SETBP1: variants seen among roughly 807,000 people sequenced by gnomAD.
The protein encoded by SETBP1 is SET-binding protein.
In SETBP1, 9 loss-of-function variants were observed where a neutral mutation model predicts 101.0. The ratio of observed to expected loss-of-function variants is 0.09; its 90% CI spans 0.05 to 0.16. The LOEUF is 0.16. Among genes scored for constraint, SETBP1 ranks in the 10% least tolerant of loss-of-function variants. The pLI is 1.00. For synonymous variants in SETBP1, 818 were observed against 788.5 expected, an observed-to-expected ratio of 1.04 and a Z score of -0.63; for missense variants, 1,858 against 2,033.8, an observed-to-expected ratio of 0.91 and a Z score of 1.66.
intron 4 of SETBP1, among the ~76,000 whole-genome samples, chr18:45,022,338 G>C (rs1199499684): frequency 1.3e-5 from 2 of 152,164 alleles, no homozygotes; most frequent in Admixed American, 6.5e-5. Context: ...GTACTGTTGT[G>C]TGCTTCATGC....
At chr18:44,859,076 G>C (rs1003786470) in intron 2 of SETBP1, among the ~76,000 whole-genome samples, 3 of 151,698 alleles carry the variant, frequency 2.0e-5, no homozygotes, top group African/African-American at 2.4e-5. Context: ...GGAAGGATTG[G>C]GGGAAGGAGG....
At chr18:44,948,076 C>A (rs560053321) in intron 3 of SETBP1, among the ~76,000 whole-genome samples, 1 of 152,282 alleles carries the variant, frequency 6.6e-6, no homozygotes, top group South Asian at 2.1e-4. Context: ...GGAATAGCAG[C>A]CTATGTCCAC....
At chr18:44,723,519 C>T (rs1023850235) in intron 2 of SETBP1, among the ~76,000 whole-genome samples, 1 of 152,180 alleles carries the variant, frequency 6.6e-6, no homozygotes, top group Non-Finnish European at 1.5e-5. Flanking sequence ...AAAAAAACAA[C>T]ACCCTTTTTA....
intron 4 of SETBP1, among the ~76,000 whole-genome samples, chr18:44,960,544 C>G (rs1489304056): frequency 2.0e-5 from 3 of 151,936 alleles, no homozygotes; most frequent in African/African-American, 7.3e-5. Context: ...GGGTCTCGCT[C>G]TGTTCCCCAG....
intron 4 of SETBP1, among the ~76,000 whole-genome samples, chr18:44,998,845 C>A (rs1042548698): frequency 5.9e-5 from 9 of 152,196 alleles, no homozygotes; most frequent in Non-Finnish European, 1.2e-4. Flanking sequence ...ATAGCCCTAA[C>A]AGAAAACACT....
At chr18:45,027,114 A>G (rs138125088) in intron 4 of SETBP1, among the ~76,000 whole-genome samples, 125 of 152,314 alleles carry the variant, frequency 8.2e-4, no homozygotes, top group African/African-American at 2.6e-3. Flanking sequence ...CCTTTCCACT[A>G]TAGAATCGAG....
intron 4 of SETBP1, among the ~76,000 whole-genome samples, chr18:44,979,368 C>T (rs1407062050): frequency 2.6e-5 from 4 of 152,206 alleles, no homozygotes; most frequent in Non-Finnish European, 2.9e-5. Context: ...AGCTGCCTTA[C>T]TGTAATGAAA....
chr18:44,938,106 C>A (rs1009219857), intron 3 of SETBP1, among the ~76,000 whole-genome samples: 1 of 152,104 alleles, frequency 6.6e-6, no homozygotes, highest in Non-Finnish European at 1.5e-5. Flanking sequence ...GGGGCAGACA[C>A]CATGGTCAGG....
At chr18:44,707,108 G>A (rs998412087) in intron 2 of SETBP1, among the ~76,000 whole-genome samples, 20 of 152,182 alleles carry the variant, frequency 1.3e-4, no homozygotes, top group African/African-American at 4.6e-4. Flanking sequence ...TTCAAAGGAG[G>A]AGGAGCTGGA....
At position 44,839,372 on chromosome 18, in the gene SETBP1, A is replaced by G. The variant is rs549119111; in HGVS notation, c.487-29858A>G. ...ACTGGTGTGTGAATGGGGAAGGAAG[A>G]AGAATGAGTCAGCATGCTAGGCAAA... On this transcript the variant is annotated intron_variant, in intron 2 of 5. Coordinates refer to ENST00000649279, the MANE Select transcript of SETBP1 (RefSeq NM_015559.3). Among the ~76,000 whole-genome samples the G allele has an allele frequency of 8.5e-5, 13 of 152,308 alleles. No homozygotes were observed. The South Asian group carries it at 2.7e-3, about 32-fold the overall frequency.
chr18:45,054,337 G>T (rs1332035085), intron 5 of SETBP1, among the ~76,000 whole-genome samples: 2 of 152,008 alleles, frequency 1.3e-5, no homozygotes, highest in South Asian at 4.2e-4. Flanking sequence ...GCAGGCGTGC[G>T]CCACCACACC....
intron 2 of SETBP1, among the ~76,000 whole-genome samples, chr18:44,860,896 A>G (rs2068992225): frequency 6.6e-6 from 1 of 152,224 alleles, no homozygotes; most frequent in Non-Finnish European, 1.5e-5. Context: ...TAGCATCTTT[A>G]CAGAGATAAG....
chr18:44,752,007 A>G (rs1321932177), intron 2 of SETBP1, among the ~76,000 whole-genome samples: 3 of 152,202 alleles, frequency 2.0e-5, no homozygotes, highest in Admixed American at 1.3e-4. Context: ...TTTATTAGCC[A>G]TCTCACCTTG....
chr18:45,039,714 G>A (rs1001096481), intron 5 of SETBP1, among the ~76,000 whole-genome samples: 2 of 152,214 alleles, frequency 1.3e-5, no homozygotes, highest in African/African-American at 4.8e-5. Context: ...AACCCAAGAA[G>A]AGACTCATTC....
intron 5 of SETBP1, among the ~76,000 whole-genome samples, chr18:45,050,423 G>A (rs571069413): frequency 1.1e-4 from 17 of 152,276 alleles, no homozygotes; most frequent in African/African-American, 3.1e-4. Flanking sequence ...AACTAACTCC[G>A]TTAGTTTATT....
intron 3 of SETBP1, among the ~76,000 whole-genome samples, chr18:44,928,923 T>C (rs1427913645): frequency 6.6e-6 from 1 of 152,232 alleles, no homozygotes; most frequent in Admixed American, 6.5e-5. Flanking sequence ...GTGCAGAAGC[T>C]CTTTAGTTTA....
At chr18:44,883,215 A>G (rs1396613049) in intron 3 of SETBP1, among the ~76,000 whole-genome samples, 4 of 152,218 alleles carry the variant, frequency 2.6e-5, no homozygotes, top group East Asian at 1.9e-4. Flanking sequence ...ACTTGGTAAC[A>G]TAGCCTCCAC....
chr18:44,926,000 T>C (rs892191258), intron 3 of SETBP1, among the ~76,000 whole-genome samples: 6 of 152,148 alleles, frequency 3.9e-5, no homozygotes, highest in Non-Finnish European at 7.4e-5. Context: ...GGGGAAGTTG[T>C]TGGGGACATT....
intron 4 of SETBP1, among the ~76,000 whole-genome samples, chr18:44,957,987 G>A (rs1232737674): frequency 1.3e-5 from 2 of 152,188 alleles, no homozygotes; most frequent in Non-Finnish European, 2.9e-5. Flanking sequence ...CTGTTGTGGA[G>A]TTCAAGTAGG....
Sources: allele counts gnomAD v4.1 joint callset (sites outside exome capture counted in the v4.1 genomes callset), GRCh38; gene constraint gnomAD v4.1.1; transcripts MANE v1.5; gene names NCBI Gene and HGNC (gene_info 2026-07-23, HGNC 2026-07-21).